Variants in SP100 observed in about 807,000 individuals in gnomAD.
SP100 encodes the protein nuclear autoantigen Sp-100.
In SP100, 84 loss-of-function variants were observed where a neutral mutation model predicts 130.0. The ratio of observed to expected loss-of-function variants is 0.65; its 90% confidence interval spans 0.54 to 0.77. SP100 has a LOEUF of 0.77. Among genes scored for constraint, SP100 ranks in the 30% least tolerant of loss-of-function variants. SP100 has a pLI of 0.00. For synonymous variants in SP100, 331 were observed against 351.7 expected (o/e 0.94, Z 0.66); for missense variants, 978 against 1,052.2 (o/e 0.93, Z 0.97).
At chr2:230,437,883 TA>T (rs2063342277) in intron 2 of SP100, among the ~76,000 whole-genome samples, 2 of 152,188 alleles carry the variant, frequency 1.3e-5, no homozygotes, top group Non-Finnish European at 2.9e-5. Context: ...GTCACAAGAT[TA>T]AATATTAAAT....
chr2:230,444,204 G>T lies in SP100; in HGVS notation c.297G>T (p.Leu99=). The change falls in exon 4 of 29, where the codon CTG becomes CTT. Residue 99 remains leucine, a synonymous_variant. Transcript: ENST00000340126. ...FEDSQDSCRN[L]VPVQRVVYNV... ...ATTCTCAAGATTCTTGTAGAAACCT[G>T]GTCCCTGTACAGAGAGTGGTGTACA... is the stretch of plus-strand genomic sequence containing the variant. 6.3e-7 allele frequency: 1 copy of T among 1,586,586 alleles called. No homozygotes were observed. Among genetic ancestry groups the T allele is most frequent in the Non-Finnish European group, 8.5e-7 (1 of 1,170,436 alleles).
rs1692072055 is a variant in SP100 at position 230,539,276 on chromosome 2, T to C, written c.2104T>C (p.Ser702Pro). 1 of 1,613,206 alleles carries C rather than the reference T, an allele frequency of 6.2e-7. No individual in the cohort carries two copies. Among genetic ancestry groups the C allele is most frequent in the Admixed American group, 1.7e-5 (1 of 59,974 alleles). ...NTLVDPCPEN[S>P]NICEVCNKWG... Reference sequence around the variant, plus strand: ...ACATCTCCCCTTCTAGCCGGAAAACTCAAATATATGTGAGGTGTGCAACAA... The same window carrying C: ...ACATCTCCCCTTCTAGCCGGAAAACCCAAATATATGTGAGGTGTGCAACAA... The change falls in exon 25 of 29, where the codon TCA becomes CCA. Residue 702 changes from serine to proline, a missense_variant. Physicochemically the swap from Ser to Pro is moderately conservative, Grantham distance 74. Transcript: ENST00000340126.
rs1575669056 is a variant in SP100, at chr2:230,466,435, GAGTC to G, written c.1195+86_1195+89del. 8 of 810,896 alleles carry G rather than the reference GAGTC, an allele frequency of 9.9e-6. No homozygotes were observed. In the South Asian group the frequency reaches 1.0e-4, roughly 10 times the overall value. The allele number at this position is 810,896 out of a possible 1,614,324, so 50.2% of individuals were successfully genotyped here. A position where few individuals can be genotyped will look rare whatever the true frequency, so the allele number is the denominator to read the frequency against. On this transcript the variant is annotated intron_variant, in intron 12 of 28. Coordinates refer to ENST00000340126, the MANE Select transcript of SP100 (RefSeq NM_001080391.2). ...TAAATGAACAATATTTTCTACAAAA[GAGTC>G]AGTCTAATTCCTTGCTATATCCTTC...
chr2:230,418,838 G>A (rs1197384841), intron 2 of SP100, among the ~76,000 whole-genome samples: 5 of 151,936 alleles, frequency 3.3e-5, no homozygotes, highest in African/African-American at 9.7e-5. Flanking sequence ...CCAGTACCAC[G>A]CTGCCATAGT....
chr2:230,530,562 A>G (rs574093085), intron 24 of SP100, among the ~76,000 whole-genome samples: 1 of 152,326 alleles, frequency 6.6e-6, no homozygotes, highest in East Asian at 1.9e-4. Flanking sequence ...ATTGCAACAA[A>G]AGCCAAAATA....
chr2:230,488,709 G>A lies in SP100; in HGVS notation c.1601-5707G>A, dbSNP rs189586999. Reference sequence around the variant, plus strand: ...ATTACAGGCGTGAGCCACAGCGCCCGGCCAAGAGTTTTTAACATGAAGGGA... The same window carrying A: ...ATTACAGGCGTGAGCCACAGCGCCCAGCCAAGAGTTTTTAACATGAAGGGA... On this transcript the variant is annotated intron_variant, in intron 17 of 28. Transcript: ENST00000340126. 1.2e-3 allele frequency among the ~76,000 whole-genome samples: 175 copies of A among 152,118 alleles called. 1 individual carries two copies. The highest frequency in any genetic ancestry group is 3.9e-3 in the African/African-American group (160 of 41,540).
In SP100 at chr2:230,480,619, T is replaced by C. The variant is rs1367129636; in HGVS notation, c.1600+6172T>C. Among the ~76,000 whole-genome samples the C allele has an allele frequency of 3.9e-5, 6 of 152,156 alleles. No homozygotes were observed. The East Asian group carries it at 1.2e-3, about 29-fold the overall frequency. ...TGTCCTGCTGGCTTCACAGATGAGG[T>C]AGGGGGTAGACGGCAGGTGTGTAGA... is the stretch of plus-strand genomic sequence containing the variant. On this transcript the variant is annotated intron_variant, in intron 17 of 28. Coordinates refer to ENST00000340126, the MANE Select transcript of SP100 (RefSeq NM_001080391.2).
chr2:230,433,097 C>T (rs1417733705), intron 2 of SP100, among the ~76,000 whole-genome samples: 14 of 152,140 alleles, frequency 9.2e-5, no homozygotes, highest in Non-Finnish European at 1.2e-4. Flanking sequence ...TCTTTTGTGA[C>T]TGCACAGGAT....
chr2:230,438,586 G>T (rs1207047700), intron 2 of SP100, among the ~76,000 whole-genome samples: 1 of 150,462 alleles, frequency 6.6e-6, no homozygotes, highest in Non-Finnish European at 1.5e-5. Flanking sequence ...CATCCAGGAT[G>T]CTGAGAACGC....
At chr2:230,536,428 A>G (rs1050697364) in intron 24 of SP100, among the ~76,000 whole-genome samples, 4 of 152,156 alleles carry the variant, frequency 2.6e-5, no homozygotes, top group Admixed American at 2.0e-4. Flanking sequence ...TGACCCTCTC[A>G]GTCTTAAAAC....
intron 18 of SP100, among the ~76,000 whole-genome samples, chr2:230,497,063 G>A (rs1250555048): frequency 6.6e-6 from 1 of 152,132 alleles, no homozygotes; most frequent in Non-Finnish European, 1.5e-5. Flanking sequence ...TAGTATTTGG[G>A]TAGGAAATCC....
chr2:230,467,313 G>A, intron 13 of SP100, 98 bp downstream of exon 13: 1 of 836,356 alleles, frequency 1.2e-6, no homozygotes, highest in Non-Finnish European at 2.0e-6. Context: ...CCAGGAGCCA[G>A]TTCTCTGCAT....
At position 230,540,285 on chromosome 2, in the gene SP100, C is replaced by T. The variant is rs180939884; in HGVS notation, c.2211-591C>T. The stretch of plus-strand genomic sequence containing the variant: ...TTGTGCTTGCCTGATTATCAAAAGC[C>T]TCCTAGCACAGACAGCCTAGTAGAG... On this transcript the variant is annotated intron_variant, in intron 25 of 28. Transcript: ENST00000340126. 3.3e-5 allele frequency among the ~76,000 whole-genome samples: 5 copies of T among 152,292 alleles called. No homozygotes were observed. In the East Asian group the frequency reaches 9.6e-4, roughly 29 times the overall value.
rs555869863 is a variant in SP100, at chr2:230,515,967, T to C, written c.2094+4801T>C. The C allele has an allele frequency of 1.8e-4, 182 of 1,025,184 alleles. No individual in the cohort carries two copies. In the African/African-American group the frequency reaches 2.9e-3, roughly 17 times the overall value. 63.5% of individuals were successfully genotyped at this position (1,025,184 alleles called of 1,614,324 possible). A position where few individuals can be genotyped will look rare whatever the true frequency, so the allele number is the denominator to read the frequency against. ...TTTTCACCTTCAGTTGTCTCTGATG[T>C]AGCTTATACAAAACATTTGTTGTTC... On this transcript the variant is annotated intron_variant, in intron 24 of 28. Transcript: ENST00000340126.
intron 17 of SP100, among the ~76,000 whole-genome samples, chr2:230,483,001 A>G (rs1487025927): frequency 1.3e-5 from 2 of 152,242 alleles, no homozygotes; most frequent in Admixed American, 6.5e-5. Context: ...GACCGTTTCT[A>G]TTCACGAACA....
chr2:230,541,788 G>A (rs540844572), intron 27 of SP100, 104 bp from the exon 28 acceptor site: 1 of 1,278,314 alleles, frequency 7.8e-7, no homozygotes, highest in African/African-American at 1.5e-5. Flanking sequence ...GGGGGGTTAG[G>A]ATTTTGACCT....
chr2:230,510,905 G>A (rs1690541802), intron 23 of SP100: 1 of 583,730 alleles, frequency 1.7e-6, no homozygotes, highest in South Asian at 2.1e-5. Context: ...CCTTGGGTGT[G>A]AGAGCCAGGA....
At chr2:230,526,777 C>A (rs532635698) in intron 24 of SP100, among the ~76,000 whole-genome samples, 1 of 151,976 alleles carries the variant, frequency 6.6e-6, no homozygotes, top group Non-Finnish European at 1.5e-5. Flanking sequence ...TCATGACGCA[C>A]GCACAAGCTT....
At chr2:230,530,891 A>G (rs1160096039) in intron 24 of SP100, among the ~76,000 whole-genome samples, 1 of 152,236 alleles carries the variant, frequency 6.6e-6, no homozygotes, top group Non-Finnish European at 1.5e-5. Context: ...GCCAGGTAGA[A>G]TGGCGATCAT....
Sources: gnomAD v4.1 joint callset for allele counts (sites outside exome capture counted in the v4.1 genomes callset) on GRCh38, gnomAD v4.1.1 for gene constraint, MANE v1.5 for transcripts, NCBI Gene and HGNC (gene_info 2026-07-23, HGNC 2026-07-21) for gene names.